Variants in DHRS11 observed in about 807,000 individuals in gnomAD.
The protein encoded by DHRS11 is dehydrogenase/reductase 11.
In DHRS11, 18 loss-of-function variants were observed where a neutral mutation model predicts 30.7. The ratio of observed to expected loss-of-function variants is 0.59; its 90% CI spans 0.41 to 0.87. DHRS11 has a LOEUF of 0.87. Among genes scored for constraint, DHRS11 ranks in the 40% least tolerant of loss-of-function variants. The probability of loss-of-function intolerance (pLI) is 0.00; values close to 1 mark genes in which losing one functional copy is unlikely to be tolerated. For synonymous variants in DHRS11, 123 were observed against 139.6 expected (o/e 0.88, Z 0.84); for missense variants, 300 against 349.0 (o/e 0.86, Z 1.12).
chr17:36,600,176 GA>G lies in DHRS11; in HGVS notation c.757del (p.Met253Ter). The G allele has an allele frequency of 1.2e-6, 2 of 1,614,096 alleles. No homozygotes were observed. Among genetic ancestry groups the G allele is most frequent in the Non-Finnish European group, 1.7e-6 (2 of 1,180,000 alleles). On this transcript the variant is annotated frameshift_variant, in exon 7 of 7. Coordinates refer to ENST00000618403, the MANE Select transcript of DHRS11 (RefSeq NM_024308.4). LOFTEE classifies it high-confidence loss of function. ...ACCTTCCACAGATTGGAGACATCCA[GA>G]TGAGGCCCACGGAGCAGGTGACCTA... ...PAHIQIGDIQ[M>X]RPTEQVT
chr17:36,598,517 G>A, intron 3 of DHRS11: 1 of 558,858 alleles, frequency 1.8e-6, no homozygotes, highest in Non-Finnish European at 3.2e-6. Flanking sequence ...CCTCAGGCCT[G>A]GGGATGAACC....
chr17:36,599,547 C>T (rs550658090), intron 4 of DHRS11, 124 bp from the exon 5 acceptor site: 4 of 929,958 alleles, frequency 4.3e-6, no homozygotes, highest in African/African-American at 1.6e-5. Context: ...GGGAGGAGGC[C>T]GCTGCCGGAT....
intron 3 of DHRS11, 155 bp from the exon 4 acceptor site, chr17:36,598,766 T>G: frequency 1.0e-6 from 1 of 989,036 alleles, no homozygotes; most frequent in Non-Finnish European, 1.5e-6. Flanking sequence ...ATAACCAAAA[T>G]TAGATTAGTG....
rs183777441 is a variant in DHRS11 at position 36,600,027 on chromosome 17, C to A, written c.731C>A (p.Ala244Glu). The change falls in exon 6 of 7, where the codon GCA becomes GAA. Residue 244 changes from alanine to glutamate, a missense_variant. By Grantham distance (107) the Ala-to-Glu change is moderately radical. Coordinates refer to ENST00000618403, the MANE Select transcript of DHRS11 (RefSeq NM_024308.4). ...EAVIYVLSTP[A>E]HIQIGDIQMR... is the part of the protein sequence containing the mutation. ...GTTATCTACGTCCTCAGCACCCCCG[C>A]ACACATCCAGGTGAGTCTGGCCCTG... The A allele has an allele frequency of 5.0e-5, 80 of 1,613,888 alleles. No individual in the cohort carries two copies. The African/African-American group carries it at 9.7e-4, about 20-fold the overall frequency.
chr17:36,600,301 C>G lies in DHRS11; in HGVS notation c.*98C>G. The G allele has an allele frequency of 7.0e-7, 1 of 1,421,010 alleles. No homozygotes were observed. The highest frequency in any genetic ancestry group is 1.2e-5 in the South Asian group (1 of 84,130). The allele number at this position is 1,421,010 out of a possible 1,614,324, so 88.0% of individuals were successfully genotyped here. On this transcript the variant is annotated 3_prime_UTR_variant, in exon 7 of 7. Coordinates refer to ENST00000618403, the MANE Select transcript of DHRS11 (RefSeq NM_024308.4). ...TTTCTGGATCACGGGATACCACTTCCTGTCCACACCCCGACCAGGGGCTAG... is the reference window on the plus strand; with the variant it reads ...TTTCTGGATCACGGGATACCACTTCGTGTCCACACCCCGACCAGGGGCTAG...
At chr17:36,597,210 C>A in intron 2 of DHRS11, 1 of 241,620 alleles carries the variant, frequency 4.1e-6, no homozygotes, top group Non-Finnish European at 8.3e-6. Context: ...ACCTCCCTGT[C>A]CTGGCACCCA....
chr17:36,592,181 CGT>C lies in DHRS11; in HGVS notation c.147+26_147+27del. 1 of 1,261,862 alleles carries C rather than the reference CGT, an allele frequency of 7.9e-7. No individual in the cohort carries two copies. Among genetic ancestry groups the C allele is most frequent in the East Asian group, 3.0e-5 (1 of 33,382 alleles). The allele number at this position is 1,261,862 out of a possible 1,614,324, so 78.2% of individuals were successfully genotyped here. ...GGTGAGGCCGGGCCGAGGGCGGGGA[CGT>C]CGCGGGCGGGTCGTTTCCCCGGAGT... On this transcript the variant is annotated intron_variant, in intron 1 of 6. Coordinates refer to ENST00000618403, the MANE Select transcript of DHRS11 (RefSeq NM_024308.4). The surrounding 1 kb of genome is among the most constrained non-coding windows in gnomAD (Gnocchi z 4.4).
rs1320720013 is a variant in DHRS11 at position 36,592,855 on chromosome 17, C to T, written c.147+699C>T. Among the ~76,000 whole-genome samples, 1 of 152,036 alleles carries T rather than the reference C, an allele frequency of 6.6e-6. No individual in the cohort carries two copies. The highest frequency in any genetic ancestry group is 6.6e-5 in the Admixed American group (1 of 15,266). On this transcript the variant is annotated intron_variant, in intron 1 of 6. Transcript: ENST00000618403. The surrounding 1 kb of genome is among the most constrained non-coding windows in gnomAD (Gnocchi z 4.4). The stretch of plus-strand genomic sequence containing the variant: ...TGTGCTAGGCTCTCTCTGGATGTGC[C>T]CTGTAAGCTCATTCTCAGTGTCGGG...
chr17:36,598,605 G>T, intron 3 of DHRS11: 1 of 498,838 alleles, frequency 2.0e-6, no homozygotes, highest in Non-Finnish European at 3.6e-6. Flanking sequence ...CATGGCCTCT[G>T]CCTGCCTTGA....
In DHRS11 at chr17:36,592,146, G is replaced by A. The variant is rs1294934393; in HGVS notation, c.137G>A (p.Gly46Asp). 2 of 1,285,094 alleles carry A rather than the reference G, an allele frequency of 1.6e-6. No individual in the cohort carries two copies. Among genetic ancestry groups the A allele is most frequent in the East Asian group, 2.9e-5 (1 of 34,604 alleles). 79.6% of individuals were successfully genotyped at this position (1,285,094 alleles called of 1,614,324 possible). ...GTGGTGGGCTGCGCCCGCACTGTGG[G>A]CAACATCGAGGTGAGGCCGGGCCGA... ...LKVVGCARTV[G>D]NIEELAAECK... Residue 46 changes from glycine (G) to aspartate (D), a missense_variant, in exon 1 of 7, where the codon GGC (glycine) becomes GAC (aspartate). By Grantham distance (94) the Gly-to-Asp change is moderately conservative (BLOSUM62 -1). Coordinates refer to ENST00000618403, the MANE Select transcript of DHRS11 (RefSeq NM_024308.4). This position sits in a 1 kb window ranked among gnomAD's most constrained non-coding sequence, Gnocchi z 4.4.
chr17:36,597,247 G>A (rs2074818054), intron 2 of DHRS11: 1 of 208,900 alleles, frequency 4.8e-6, no homozygotes, highest in Non-Finnish European at 9.8e-6. Context: ...TGAACACCAA[G>A]ACAGGTTCAC....
intron 5 of DHRS11, 78 bp from the exon 6 acceptor site, chr17:36,599,894 C>T (rs1599570155): frequency 1.9e-6 from 3 of 1,586,898 alleles, no homozygotes; most frequent in East Asian, 4.5e-5. Flanking sequence ...TGTGTGGATG[C>T]CACAGAGAAG....
intron 1 of DHRS11, among the ~76,000 whole-genome samples, chr17:36,593,265 C>T (rs1172145598): frequency 6.6e-6 from 1 of 152,220 alleles, no homozygotes; most frequent in Non-Finnish European, 1.5e-5. Flanking sequence ...CCAGGCTGAT[C>T]ACTCAGTCCC....
chr17:36,592,643 T>G lies in DHRS11; in HGVS notation c.147+487T>G, dbSNP rs2074777626. ...AACTCATGCCCAGTGGCATGAGGAA[T>G]GAATGGAATATTCATTAGTGGGCCC... On this transcript the variant is annotated intron_variant, in intron 1 of 6. Transcript: ENST00000618403. This position sits in a 1 kb window ranked among gnomAD's most constrained non-coding sequence, Gnocchi z 4.4. Among the ~76,000 whole-genome samples, 1 of 152,168 alleles carries G rather than the reference T, an allele frequency of 6.6e-6. No individual in the cohort carries two copies. Among genetic ancestry groups the G allele is most frequent in the South Asian group, 2.1e-4 (1 of 4,834 alleles).
Position 36,592,051 on chromosome 17 carries a change from G to T in DHRS11, c.42G>T (p.Ala14=), listed in dbSNP as rs754606247. Residue 14 remains alanine, a synonymous_variant, in exon 1 of 7, where the codon GCG becomes GCT. Coordinates refer to ENST00000618403, the MANE Select transcript of DHRS11 (RefSeq NM_024308.4). The surrounding 1 kb of genome is among the most constrained non-coding windows in gnomAD (Gnocchi z 4.4). ...TGGAGCGGTGGCGCGACCGGCTGGC[G>T]CTGGTGACGGGGGCCTCGGGGGGCA... ...PGMERWRDRL[A]LVTGASGGIG... is the part of the protein sequence containing the mutation. The T allele has an allele frequency of 3.2e-6, 4 of 1,234,168 alleles. No individual in the cohort carries two copies. The highest frequency in any genetic ancestry group is 3.1e-5 in the African/African-American group (2 of 64,438). 76.5% of individuals were successfully genotyped at this position (1,234,168 alleles called of 1,614,324 possible).
chr17:36,592,098 C>T lies in DHRS11; in HGVS notation c.89C>T (p.Ala30Val). ...SGGIGAAVAR[A>V]LVQQGLKVVG... is the part of the protein sequence containing the mutation. ...GGCATCGGCGCGGCCGTGGCCCGGG[C>T]CCTGGTCCAGCAGGGACTGAAGGTG... is the stretch of plus-strand genomic sequence containing the variant. The change falls in exon 1 of 7, where the codon GCC (alanine) becomes GTC (valine). Residue 30 changes from alanine (A) to valine (V), a missense_variant. Coordinates refer to ENST00000618403, the MANE Select transcript of DHRS11 (RefSeq NM_024308.4). The surrounding 1 kb of genome is among the most constrained non-coding windows in gnomAD (Gnocchi z 4.4). 3.2e-6 allele frequency: 4 copies of T among 1,256,550 alleles called. No individual in the cohort carries two copies. The highest frequency in any genetic ancestry group is 3.0e-6 in the Non-Finnish European group (3 of 1,000,304). The allele number at this position is 1,256,550 out of a possible 1,614,324, so 77.8% of individuals were successfully genotyped here. A position where few individuals can be genotyped will look rare whatever the true frequency, so the allele number is the denominator to read the frequency against.
intron 1 of DHRS11, among the ~76,000 whole-genome samples, chr17:36,593,007 C>A (rs545025434): frequency 6.6e-6 from 1 of 152,220 alleles, no homozygotes; most frequent in Non-Finnish European, 1.5e-5. Flanking sequence ...CCCTCCCCTG[C>A]TGCTGACCAA....
chr17:36,592,018 G>T lies in DHRS11; in HGVS notation c.9G>T (p.Arg3Ser). ...ACGGGCGGCGTGGGCCCATGGCCAGGCCCGGCATGGAGCGGTGGCGCGACC... is the reference window on the plus strand; with the variant it reads ...ACGGGCGGCGTGGGCCCATGGCCAGTCCCGGCATGGAGCGGTGGCGCGACC... MARPGMERWRDRL... is the reference protein window; with the variant it reads MASPGMERWRDRL... Residue 3 changes from arginine to serine, a missense_variant, in exon 1 of 7, where the codon AGG becomes AGT. Transcript: ENST00000618403. The surrounding 1 kb of genome is among the most constrained non-coding windows in gnomAD (Gnocchi z 4.4). The T allele has an allele frequency of 8.1e-7, 1 of 1,228,762 alleles. No individual in the cohort carries two copies. Among genetic ancestry groups the T allele is most frequent in the Non-Finnish European group, 1.0e-6 (1 of 985,658 alleles). The allele number at this position is 1,228,762 out of a possible 1,614,324, so 76.1% of individuals were successfully genotyped here.
intron 2 of DHRS11, chr17:36,596,883 C>A (rs1025858625): frequency 6.4e-6 from 3 of 470,810 alleles, no homozygotes; most frequent in African/African-American, 6.0e-5. Flanking sequence ...GAAAATGAAG[C>A]CCTCAGCCTT....
Sources: allele counts gnomAD v4.1 joint callset (sites outside exome capture counted in the v4.1 genomes callset), GRCh38; gene constraint gnomAD v4.1.1; non-coding constraint Gnocchi (gnomAD v3.1); transcripts MANE v1.5; gene names NCBI Gene and HGNC (gene_info 2026-07-23, HGNC 2026-07-21).